Variants in STOX2 observed in about 807,000 individuals in gnomAD.
STOX2 encodes storkhead-box protein 2.
Under a neutral mutation model 60.9 loss-of-function variants are expected in STOX2, and 28 were observed. That is an observed-to-expected ratio of 0.46 (90% CI 0.34 to 0.63). The LOEUF is 0.63. Among genes scored for constraint, STOX2 ranks in the 30% least tolerant of loss-of-function variants. STOX2 has a pLI of 0.01. For synonymous variants in STOX2, 472 were observed against 463.9 expected (o/e 1.02, Z -0.22); for missense variants, 1,024 against 1,187.7 (o/e 0.86, Z 2.03).
Position 183,806,670 on chromosome 4 carries a change from C to T in STOX2, c.364+8615C>T, listed in dbSNP as rs1161639834. Among the ~76,000 whole-genome samples the T allele has an allele frequency of 3.3e-5, 5 of 152,142 alleles. No individual in the cohort carries two copies. Among genetic ancestry groups the T allele is most frequent in the Non-Finnish European group, 7.4e-5 (5 of 68,016 alleles). ...GTGTCAGGTGCCTCCCTTCTTCCCC[C>T]GACCCCCACTTTCCCTCCAGGATTT... On this transcript the variant is annotated intron_variant, in intron 1 of 2. Transcript: ENST00000513034. This position sits in a 1 kb window ranked among gnomAD's most constrained non-coding sequence, Gnocchi z 4.1.
At position 184,009,321 on chromosome 4, in the gene STOX2, C is replaced by T. The variant is rs746762470; in HGVS notation, c.483C>T (p.Asp161=). 2 of 1,613,878 alleles carry T rather than the reference C, an allele frequency of 1.2e-6. No individual in the cohort carries two copies. Among genetic ancestry groups the T allele is most frequent in the Non-Finnish European group, 1.7e-6 (2 of 1,179,824 alleles). The part of the protein sequence containing the change: ...IRTNSKWYHL[D]ERIPDRSQCT... ...CTAACAGTAAATGGTACCATTTGGA[C>T]GAGAGGATACCTGACCGGTCTCAGT... Residue 161 remains aspartate, a synonymous_variant, in exon 3 of 4, where the codon GAC becomes GAT. Coordinates refer to ENST00000308497, the MANE Select transcript of STOX2 (RefSeq NM_020225.3). The surrounding 1 kb of genome is among the most constrained non-coding windows in gnomAD (Gnocchi z 4.0).
chr4:184,000,072 C>T (rs1272217507), intron 1 of STOX2, among the ~76,000 whole-genome samples: 3 of 152,158 alleles, frequency 2.0e-5, no homozygotes, highest in Non-Finnish European at 4.4e-5. Flanking sequence ...GCATCCTCCT[C>T]GTGTAGGACA....
In STOX2 at chr4:184,001,306, G is replaced by A. The variant is rs1403271208; in HGVS notation, c.167-19G>A. 1.2e-6 allele frequency: 2 copies of A among 1,612,634 alleles called. No homozygotes were observed. The highest frequency in any genetic ancestry group is 2.2e-5 in the East Asian group (1 of 44,860). ...GGGTCTTTTAATGAACCACTCACTT[G>A]AAAATTGTCTTTCTGCAGGTGATGT... On this transcript the variant is annotated intron_variant, in intron 1 of 3. Coordinates refer to ENST00000308497, the MANE Select transcript of STOX2 (RefSeq NM_020225.3). The surrounding 1 kb of genome is among the most constrained non-coding windows in gnomAD (Gnocchi z 4.2).
chr4:184,011,185 G>C lies in STOX2; in HGVS notation c.2347G>C (p.Glu783Gln). Reference sequence around the variant, plus strand: ...CAACGTCTCTGATGATGACGACTCTGAGGAAGGGGCAAACAAGAACACAGA... The same window carrying C: ...CAACGTCTCTGATGATGACGACTCTCAGGAAGGGGCAAACAAGAACACAGA... Reference protein sequence around the residue: ...YYNVSDDDDSEEGANKNTEEE... With the variant: ...YYNVSDDDDSQEGANKNTEEE... Residue 783 changes from glutamate (E) to glutamine (Q), a missense_variant, in exon 3 of 4, where the codon GAG becomes CAG. By Grantham distance (29) the Glu-to-Gln change is conservative. This residue lies in a region of STOX2 where 922 missense variants were observed against 1,058.3 expected (regional missense o/e 0.87). Coordinates refer to ENST00000308497, the MANE Select transcript of STOX2 (RefSeq NM_020225.3). This position sits in a 1 kb window ranked among gnomAD's most constrained non-coding sequence, Gnocchi z 4.4. The C allele has an allele frequency of 1.3e-6, 2 of 1,595,180 alleles. No individual in the cohort carries two copies. The highest frequency in any genetic ancestry group is 1.7e-6 in the Non-Finnish European group (2 of 1,172,144).
chr4:183,980,551 C>T (rs558026149), intron 1 of STOX2, among the ~76,000 whole-genome samples: 9 of 152,238 alleles, frequency 5.9e-5, no homozygotes, highest in African/African-American at 1.7e-4. Flanking sequence ...CCCCTTCCAA[C>T]TGGTTCAACT....
chr4:183,847,080 T>C (rs551137703), intron 1 of STOX2, among the ~76,000 whole-genome samples: 6 of 152,316 alleles, frequency 3.9e-5, no homozygotes, highest in African/African-American at 1.4e-4. Flanking sequence ...GAAAAAAGAA[T>C]CAGAGAGCCA....
chr4:183,928,900 A>G (rs1029251324), intron 1 of STOX2, among the ~76,000 whole-genome samples: 2 of 152,192 alleles, frequency 1.3e-5, no homozygotes, highest in Non-Finnish European at 2.9e-5. Context: ...GCTGCTGGTG[A>G]TAAGAAATAA....
intron 1 of STOX2, among the ~76,000 whole-genome samples, chr4:183,813,998 A>C (rs1739096482): frequency 6.6e-6 from 1 of 152,120 alleles, no homozygotes; most frequent in Non-Finnish European, 1.5e-5. Context: ...AATATTGCAA[A>C]ATTTTGGAAT....
chr4:183,827,126 C>T (rs1194122514), intron 1 of STOX2, among the ~76,000 whole-genome samples: 2 of 152,186 alleles, frequency 1.3e-5, no homozygotes, highest in Non-Finnish European at 2.9e-5. Flanking sequence ...GAAAGTCTGG[C>T]TGCAACCACC....
intron 1 of STOX2, among the ~76,000 whole-genome samples, chr4:183,965,625 T>C (rs767062927): frequency 3.3e-5 from 5 of 152,134 alleles, no homozygotes; most frequent in Admixed American, 6.5e-5. Context: ...TATCAACATA[T>C]TGAGATCATT....
chr4:183,868,504 G>T (rs1043027591), intron 1 of STOX2, among the ~76,000 whole-genome samples: 2 of 152,206 alleles, frequency 1.3e-5, no homozygotes, highest in African/African-American at 4.8e-5. Context: ...CAGGTCATCT[G>T]GGCATGCTGG....
intron 1 of STOX2, among the ~76,000 whole-genome samples, chr4:183,947,339 C>T (rs1742925390): frequency 6.6e-6 from 1 of 151,946 alleles, no homozygotes; most frequent in South Asian, 2.1e-4. Flanking sequence ...ATATGGAGCT[C>T]GCAGAGGGCT....
At chr4:183,811,863 A>G (rs1739040567) in intron 1 of STOX2, among the ~76,000 whole-genome samples, 2 of 151,916 alleles carry the variant, frequency 1.3e-5, no homozygotes, top group South Asian at 2.1e-4. Flanking sequence ...TTAAAATAAT[A>G]TCAGTTTCTT....
intron 1 of STOX2, chr4:183,960,114 C>A (rs761131002): frequency 6.6e-6 from 1 of 152,144 alleles, no homozygotes; most frequent in African/African-American, 2.4e-5. Flanking sequence ...GTTGTCATGA[C>A]GACAAGTTCA....
chr4:183,906,592 C>T lies in STOX2; in HGVS notation c.-199C>T. 1 of 564,492 alleles carries T rather than the reference C, an allele frequency of 1.8e-6. No homozygotes were observed. The highest frequency in any genetic ancestry group is 3.3e-5 in the Admixed American group (1 of 30,088). The allele number at this position is 564,492 out of a possible 1,614,324, so 35.0% of individuals were successfully genotyped here. On this transcript the variant is annotated 5_prime_UTR_variant, in exon 1 of 4. Coordinates refer to ENST00000308497, the MANE Select transcript of STOX2 (RefSeq NM_020225.3). ...ATGCATTGTGGGACGTGTGTAAAAT[C>T]GGAGCCTTCGCCGTGGGGGTGTGGG...
intron 1 of STOX2, among the ~76,000 whole-genome samples, chr4:183,921,245 T>C (rs1220037821): frequency 6.6e-6 from 1 of 152,230 alleles, no homozygotes; most frequent in African/African-American, 2.4e-5. Context: ...GAAGAAGTTC[T>C]ATGGGTTTGC....
intron 1 of STOX2, among the ~76,000 whole-genome samples, chr4:183,908,487 G>A (rs530978464): frequency 6.6e-6 from 1 of 151,972 alleles, no homozygotes; most frequent in East Asian, 1.9e-4. Flanking sequence ...CTAAGGAACC[G>A]GTCCTGACAC....
chr4:183,949,447 C>G (rs576176780), intron 1 of STOX2, among the ~76,000 whole-genome samples: 1 of 152,272 alleles, frequency 6.6e-6, no homozygotes, highest in African/African-American at 2.4e-5. Flanking sequence ...TGCCTGTAAT[C>G]CCAGCACTTA....
At chr4:183,961,784 T>C (rs557626820) in intron 1 of STOX2, among the ~76,000 whole-genome samples, 1 of 152,356 alleles carries the variant, frequency 6.6e-6, no homozygotes, top group South Asian at 2.1e-4. Flanking sequence ...CAAAGATACA[T>C]AAATGTGATA....
Sources: gnomAD v4.1 joint callset for allele counts (sites outside exome capture counted in the v4.1 genomes callset) on GRCh38, gnomAD v4.1.1 for gene constraint, gnomAD v4.1.1 regional missense constraint, Gnocchi (gnomAD v3.1) non-coding constraint, MANE v1.5 for transcripts, NCBI Gene and HGNC (gene_info 2026-07-23, HGNC 2026-07-21) for gene names.